The following GID4 variants were observed in gnomAD, a reference collection of about 807,000 sequenced individuals.
GID4 encodes glucose-induced degradation protein 4 homolog.
A neutral mutation model predicts 32.4 loss-of-function variants in GID4; 7 were observed. The observed-to-expected ratio is 0.22, with a 90% confidence interval of 0.12 to 0.41. The LOEUF is 0.41. Ranked by LOEUF, GID4 falls within the 10% of genes least tolerant of loss-of-function variation. The probability of loss-of-function intolerance (pLI) is 1.00; values close to 1 mark genes in which losing one functional copy is unlikely to be tolerated. For synonymous variants in GID4, 166 were observed against 170.0 expected, an observed-to-expected ratio of 0.98 and a Z score of 0.18; for missense variants, 309 against 400.0, an observed-to-expected ratio of 0.77 and a Z score of 1.94.
intron 1 of GID4, among the ~76,000 whole-genome samples, chr17:18,041,962 C>G (rs1310617212): frequency 6.6e-6 from 1 of 152,172 alleles, no homozygotes; most frequent in African/African-American, 2.4e-5. Context: ...GGGTGGTGGT[C>G]ATGCCAATGA....
chr17:18,061,110 TA>T lies in GID4; in HGVS notation c.709-730del, dbSNP rs1250050165. 6.6e-5 allele frequency among the ~76,000 whole-genome samples: 10 copies of T among 152,220 alleles called. No homozygotes were observed. Among genetic ancestry groups the T allele is most frequent in the Non-Finnish European group, 1.3e-4 (9 of 68,034 alleles). On this transcript the variant is annotated intron_variant, in intron 4 of 5. Transcript: ENST00000268719. This position sits in a 1 kb window ranked among gnomAD's most constrained non-coding sequence, Gnocchi z 4.4. ...AATGGGAGGGTGTCTTAAATTTGTT[TA>T]AAAAGCAATGGGCTTGTTTTGCCTC...
Position 18,039,594 on chromosome 17 carries a change from C to T in GID4, c.130C>T (p.Arg44Cys). The change falls in exon 1 of 6, where the codon CGC becomes TGC. Residue 44 changes from arginine to cysteine, a missense_variant. Arg to Cys is a radical substitution (Grantham distance 180). Around this residue, in one of 2 missense-constraint regions of GID4, gnomAD observed 193 missense variants for 185.8 expected, o/e 1.04. Transcript: ENST00000268719. This position sits in a 1 kb window ranked among gnomAD's most constrained non-coding sequence, Gnocchi z 5.3. Reference sequence around the variant, plus strand: ...GCAGCGGGCGGGTGGTCGCCCCTCCCGCCCCCACCCCGCGCGTGCGCGCCC... The same window carrying T: ...GCAGCGGGCGGGTGGTCGCCCCTCCTGCCCCCACCCCGCGCGTGCGCGCCC... Reference protein sequence around the residue: ...RRQRAGGRPSRPHPARARPGL... With the variant: ...RRQRAGGRPSCPHPARARPGL... 7.7e-7 allele frequency: 1 copy of T among 1,292,638 alleles called. No homozygotes were observed. Among genetic ancestry groups the T allele is most frequent in the Non-Finnish European group, 9.8e-7 (1 of 1,023,968 alleles). The allele number at this position is 1,292,638 out of a possible 1,614,324, so 80.1% of individuals were successfully genotyped here. A position where few individuals can be genotyped will look rare whatever the true frequency, so the allele number is the denominator to read the frequency against.
chr17:18,064,646 A>G (rs1428319561), intron 5 of GID4, among the ~76,000 whole-genome samples: 4 of 152,154 alleles, frequency 2.6e-5, no homozygotes, highest in African/African-American at 9.7e-5. Context: ...CTCAGATATC[A>G]CTAATGTTTT....
intron 2 of GID4, among the ~76,000 whole-genome samples, chr17:18,045,868 G>A (rs1258712352): frequency 1.3e-5 from 2 of 149,792 alleles, no homozygotes; most frequent in Admixed American, 1.3e-4. Flanking sequence ...CTCCAACCTG[G>A]GCAACAGAGC....
chr17:18,053,364 G>A (rs1231817999), intron 2 of GID4, among the ~76,000 whole-genome samples: 6 of 150,794 alleles, frequency 4.0e-5, no homozygotes, highest in Admixed American at 4.0e-4. Context: ...TGTAATCCTC[G>A]CACTTTGGGA....
intron 1 of GID4, among the ~76,000 whole-genome samples, chr17:18,042,756 C>G (rs1419382852): frequency 6.6e-6 from 1 of 152,178 alleles, no homozygotes; most frequent in Non-Finnish European, 1.5e-5. Context: ...ACATTTCCAC[C>G]AGCAGTGGGT....
intron 2 of GID4, among the ~76,000 whole-genome samples, chr17:18,053,308 T>C (rs1043917026): frequency 2.7e-5 from 4 of 149,982 alleles, no homozygotes; most frequent in African/African-American, 4.9e-5. Context: ...CCACCATGCC[T>C]GGCCAAAATA....
At chr17:18,057,147 T>A in intron 3 of GID4, 1 of 1,293,666 alleles carries the variant, frequency 7.7e-7, no homozygotes, top group Non-Finnish European at 1.0e-6. Context: ...AATGTCTATG[T>A]GACACCAGGT....
intron 2 of GID4, among the ~76,000 whole-genome samples, chr17:18,050,740 A>G (rs1469785336): frequency 6.6e-6 from 1 of 152,234 alleles, no homozygotes; most frequent in Non-Finnish European, 1.5e-5. Context: ...CTATCACCAC[A>G]CAGTTTTGGG....
intron 3 of GID4, chr17:18,056,913 A>G (rs1207228225): frequency 6.5e-7 from 1 of 1,550,342 alleles, no homozygotes; most frequent in Admixed American, 2.0e-5. Flanking sequence ...CTCATGGAGG[A>G]CTCCCAGGTT....
rs577404431 is a variant in GID4, at chr17:18,044,817, C to T, written c.439-330C>T. Among the ~76,000 whole-genome samples, 78 of 152,294 alleles carry T rather than the reference C, an allele frequency of 5.1e-4. 1 individual carries two copies. Among genetic ancestry groups the T allele is most frequent in the Non-Finnish European group, 1.5e-4 (10 of 68,026 alleles). On this transcript the variant is annotated intron_variant, in intron 1 of 5. Coordinates refer to ENST00000268719, the MANE Select transcript of GID4 (RefSeq NM_024052.5). ...GCAGAGACAGAGGCCCTGTGCCCAG[C>T]AATGCTCAAGGTCTCTAGATGACCG...
intron 1 of GID4, among the ~76,000 whole-genome samples, chr17:18,042,490 T>C (rs2044812552): frequency 6.6e-6 from 1 of 152,248 alleles, no homozygotes; most frequent in Non-Finnish European, 1.5e-5. Context: ...TATATTCCTT[T>C]TTATTTTGCA....
At chr17:18,043,087 T>C (rs2955357) in intron 1 of GID4, among the ~76,000 whole-genome samples, 87,121 of 151,996 alleles carry the variant, frequency 0.57, 26,280 homozygotes, top group Non-Finnish European at 0.68. Flanking sequence ...CCCTGGTCGC[T>C]GTGAAAGGAA....
Position 18,039,667 on chromosome 17 carries a change from C to A in GID4, c.203C>A (p.Ala68Glu). ...CTCCTCGGCTCCCGCGCGGCGGCGG[C>A]GGTTCCTCTCCCACTCCCCCCAGCC... ...ATLLGSRAAA[A>E]VPLPLPPALA... is the part of the protein sequence containing the mutation. The change falls in exon 1 of 6, where the codon GCG becomes GAG. Residue 68 changes from alanine to glutamate, a missense_variant. This residue lies in a region of GID4 where 193 missense variants were observed against 185.8 expected (regional missense o/e 1.04). Coordinates refer to ENST00000268719, the MANE Select transcript of GID4 (RefSeq NM_024052.5). This position sits in a 1 kb window ranked among gnomAD's most constrained non-coding sequence, Gnocchi z 5.3. 7.8e-7 allele frequency: 1 copy of A among 1,277,350 alleles called. No individual in the cohort carries two copies. Among genetic ancestry groups the A allele is most frequent in the Non-Finnish European group, 9.9e-7 (1 of 1,006,156 alleles). The allele number at this position is 1,277,350 out of a possible 1,614,324, so 79.1% of individuals were successfully genotyped here. A position where few individuals can be genotyped will look rare whatever the true frequency, so the allele number is the denominator to read the frequency against.
intron 2 of GID4, 131 bp from the exon 3 acceptor site, chr17:18,053,996 T>C: frequency 2.0e-6 from 1 of 507,206 alleles, no homozygotes; most frequent in Non-Finnish European, 3.5e-6. Flanking sequence ...GCGATCTAAC[T>C]CTGGTTTGGA....
intron 5 of GID4, among the ~76,000 whole-genome samples, chr17:18,064,101 A>G (rs1193368023): frequency 6.6e-6 from 1 of 152,184 alleles, no homozygotes; most frequent in Non-Finnish European, 1.5e-5. Flanking sequence ...GATTGCTTCC[A>G]TTGTTTAGCT....
intron 1 of GID4, among the ~76,000 whole-genome samples, chr17:18,043,097 A>G (rs916386450): frequency 1.3e-5 from 2 of 152,296 alleles, no homozygotes; most frequent in South Asian, 2.1e-4. Context: ...TGTGAAAGGA[A>G]TATTTAAAAG....
intron 1 of GID4, among the ~76,000 whole-genome samples, chr17:18,040,168 C>T (rs2044778876): frequency 6.6e-6 from 1 of 152,208 alleles, no homozygotes; most frequent in Non-Finnish European, 1.5e-5. Context: ...CGTGACCGGC[C>T]CGTCTGGGAT....
At chr17:18,054,694 C>G (rs777573264) in intron 3 of GID4, among the ~76,000 whole-genome samples, 1 of 152,194 alleles carries the variant, frequency 6.6e-6, no homozygotes, top group Non-Finnish European at 1.5e-5. Context: ...CACATCATTT[C>G]TTTTTATCCT....
Sources: allele counts gnomAD v4.1 joint callset (sites outside exome capture counted in the v4.1 genomes callset), GRCh38; gene constraint gnomAD v4.1.1; regional missense constraint gnomAD v4.1.1; non-coding constraint Gnocchi (gnomAD v3.1); transcripts MANE v1.5; gene names NCBI Gene and HGNC (gene_info 2026-07-23, HGNC 2026-07-21).